PGBD2: variants seen among roughly 807,000 people sequenced by gnomAD.
PGBD2 encodes the protein piggyBac transposable element derived 2, also known as piggyBac transposable element-derived protein 2.
Under a neutral mutation model 8.1 loss-of-function variants are expected in PGBD2, and 6 were observed. That is an observed-to-expected ratio of 0.74 (90% confidence interval 0.40 to 1.46). PGBD2 has a LOEUF of 1.46. Ranked by LOEUF, PGBD2 falls within the 40% of genes most tolerant of loss-of-function variation. The pLI is 0.02. For synonymous variants in PGBD2, 318 were observed against 272.2 expected (o/e 1.17, Z -1.66); for missense variants, 802 against 739.0 (o/e 1.09, Z -0.99).
chr1:248,874,221 C>T, the PGBD2 span, among the ~76,000 whole-genome samples: 2 of 152,178 alleles, frequency 1.3e-5, no homozygotes, highest in African/African-American at 2.4e-5. Flanking sequence ...TTTAGTATAG[C>T]ATATTGCTAA....
rs780684234 is a variant in PGBD2, at chr1:248,918,233, T to G, written c.1649T>G (p.Ile550Ser). The change falls in exon 3 of 3, where the codon ATT becomes AGT. Residue 550 changes from isoleucine to serine, a missense_variant. Transcript: ENST00000329291. The stretch of plus-strand genomic sequence containing the variant: ...GAGACTGAGAGCCGCTTCGATATGA[T>G]TGGGCACTGGATTATCCATCAGGAC... Reference protein sequence around the residue: ...RLETESRFDMIGHWIIHQDKR... With the variant: ...RLETESRFDMSGHWIIHQDKR... 6.2e-7 allele frequency: 1 copy of G among 1,614,102 alleles called. No homozygotes were observed. The highest frequency in any genetic ancestry group is 8.5e-7 in the Non-Finnish European group (1 of 1,179,982).
chr1:248,890,694 A>G, the PGBD2 span, among the ~76,000 whole-genome samples: 1 of 150,618 alleles, frequency 6.6e-6, no homozygotes, highest in Non-Finnish European at 1.5e-5. Flanking sequence ...ACACACCAAC[A>G]CCGACCCCCA....
chr1:248,881,773 T>C, the PGBD2 span, among the ~76,000 whole-genome samples: 1 of 152,236 alleles, frequency 6.6e-6, no homozygotes, highest in South Asian at 2.1e-4. Flanking sequence ...CAATCTTTGC[T>C]GTTATTTCTT....
the PGBD2 span, among the ~76,000 whole-genome samples, chr1:248,882,401 G>A: frequency 6.6e-6 from 1 of 152,162 alleles, no homozygotes; most frequent in Non-Finnish European, 1.5e-5. Flanking sequence ...ATTTCTAACA[G>A]AGCCTTAAAA....
downstream of PGBD2, among the ~76,000 whole-genome samples, chr1:248,924,411 A>G (rs1304446035): frequency 6.6e-6 from 1 of 152,232 alleles, no homozygotes; most frequent in East Asian, 1.9e-4. Flanking sequence ...ATTAACTTGT[A>G]TCTACAGTAG....
At position 248,918,072 on chromosome 1, in the gene PGBD2, C is replaced by T; in HGVS notation, c.1488C>T (p.Asn496=). ...GCTATGTCATTGATGCTGCCCTCAA[C>T]AATGCATGGCAGCTGCATAGAATCT... ...FIGYVIDAAL[N]NAWQLHRICC... is the part of the protein sequence containing the mutation. The change falls in exon 3 of 3, where the codon AAC becomes AAT. Residue 496 remains asparagine (N), a synonymous_variant. Coordinates refer to ENST00000329291, the MANE Select transcript of PGBD2 (RefSeq NM_170725.3). 1 of 1,614,234 alleles carries T rather than the reference C, an allele frequency of 6.2e-7. No homozygotes were observed. Among genetic ancestry groups the T allele is most frequent in the Non-Finnish European group, 8.5e-7 (1 of 1,180,040 alleles).
At chr1:248,894,708 T>TGC in the PGBD2 span, among the ~76,000 whole-genome samples, 723 of 145,736 alleles carry the variant, frequency 5.0e-3, 8 homozygotes, top group African/African-American at 0.017. Context: ...CCTCCTTTCT[T>TGC]TCTTGCTTGC....
chr1:248,876,681 G>T, the PGBD2 span, among the ~76,000 whole-genome samples: 1,555 of 152,160 alleles, frequency 0.01, 36 homozygotes, highest in African/African-American at 0.036. Context: ...GACATACCTG[G>T]GTCTGTTTTT....
intron 2 of PGBD2, chr1:248,914,461 A>G (rs902838409): frequency 1.6e-6 from 2 of 1,285,788 alleles, no homozygotes; most frequent in Admixed American, 2.3e-5. Flanking sequence ...TGAATACCTC[A>G]CCTCCCTGGA....
chr1:248,873,843 C>T, the PGBD2 span, among the ~76,000 whole-genome samples: 27 of 152,346 alleles, frequency 1.8e-4, no homozygotes, highest in South Asian at 1.0e-3. Context: ...GAGAAGCGCT[C>T]TGCTTCCGAG....
chr1:248,906,662 G>C (rs1376893351), intron 1 of PGBD2, among the ~76,000 whole-genome samples: 1 of 148,294 alleles, frequency 6.7e-6, no homozygotes, highest in Non-Finnish European at 1.5e-5. Flanking sequence ...GGGCAGGCTC[G>C]GGCGGGGTGG....
At position 248,916,595 on chromosome 1, in the gene PGBD2, A is replaced by G. The variant is rs746507138; in HGVS notation, c.18-7A>G. The G allele has an allele frequency of 1.2e-6, 2 of 1,612,808 alleles. No individual in the cohort carries two copies. Among genetic ancestry groups the G allele is most frequent in the East Asian group, 4.5e-5 (2 of 44,872 alleles). On this transcript the variant is annotated splice_polypyrimidine_tract_variant and splice_region_variant and intron_variant, in intron 2 of 2. Coordinates refer to ENST00000329291, the MANE Select transcript of PGBD2 (RefSeq NM_170725.3). ...CCTCTTCCTGATTCTGTTTCCTGTC[A>G]TAACAGAGATGTCATTGCTGGGAGA...
At chr1:248,882,126 A>C in the PGBD2 span, among the ~76,000 whole-genome samples, 1 of 152,122 alleles carries the variant, frequency 6.6e-6, no homozygotes, top group Non-Finnish European at 1.5e-5. Flanking sequence ...GCAGGTTGAG[A>C]AATAATAGAC....
the PGBD2 span, among the ~76,000 whole-genome samples, chr1:248,891,470 C>A: frequency 6.6e-6 from 1 of 152,164 alleles, no homozygotes; most frequent in Non-Finnish European, 1.5e-5. Context: ...TTTGTCATCT[C>A]TTTTGCTTAA....
At chr1:248,882,371 A>C in the PGBD2 span, among the ~76,000 whole-genome samples, 1 of 152,354 alleles carries the variant, frequency 6.6e-6, no homozygotes, top group South Asian at 2.1e-4. Context: ...AGAATTTACA[A>C]TATAGTGTGT....
the PGBD2 span, among the ~76,000 whole-genome samples, chr1:248,877,950 T>A: frequency 3.9e-5 from 6 of 152,340 alleles, no homozygotes; most frequent in African/African-American, 1.4e-4. Context: ...ATGCAATGAC[T>A]AAAAGAAACA....
At chr1:248,913,683 C>A (rs1661990326) in intron 1 of PGBD2, 133 bp from the exon 2 acceptor site, 2 of 624,194 alleles carry the variant, frequency 3.2e-6, no homozygotes, top group Non-Finnish European at 5.7e-6. Flanking sequence ...TCTGAATAAC[C>A]AGTCGACCCA....
the PGBD2 span, among the ~76,000 whole-genome samples, chr1:248,878,065 C>T: frequency 6.6e-6 from 1 of 152,074 alleles, no homozygotes; most frequent in Non-Finnish European, 1.5e-5. Flanking sequence ...CTTTTTTTCT[C>T]TAGTCCAGTA....
the PGBD2 span, among the ~76,000 whole-genome samples, chr1:248,886,271 A>G: frequency 5.3e-5 from 8 of 152,364 alleles, no homozygotes; most frequent in South Asian, 1.5e-3. Context: ...CAATATCACC[A>G]GCCTGATACT....
Sources: allele counts gnomAD v4.1 joint callset (sites outside exome capture counted in the v4.1 genomes callset), GRCh38; gene constraint gnomAD v4.1.1; transcripts MANE v1.5; gene names NCBI Gene and HGNC (gene_info 2026-07-23, HGNC 2026-07-21).